The following FSTL5 variants were observed in gnomAD, a reference collection of about 807,000 sequenced individuals.
FSTL5 encodes the protein follistatin like 5, also known as follistatin-related protein 5.
A neutral mutation model predicts 89.1 loss-of-function variants in FSTL5; 62 were observed. The ratio of observed to expected loss-of-function variants is 0.70; its 90% confidence interval spans 0.57 to 0.86. The LOEUF is 0.86. FSTL5 is among the 40% of genes least tolerant of loss of function. FSTL5 has a pLI of 0.00. For synonymous variants in FSTL5, 383 were observed against 346.2 expected (o/e 1.11, Z -1.18); for missense variants, 1,057 against 1,001.6 (o/e 1.06, Z -0.75).
At chr4:161,901,143 G>A (rs945365860) in intron 4 of FSTL5, among the ~76,000 whole-genome samples, 1 of 151,144 alleles carries the variant, frequency 6.6e-6, no homozygotes, top group African/African-American at 2.4e-5. Context: ...TAACAACAAT[G>A]TCCTTGCCCT....
chr4:161,483,989 T>C (rs904153783), intron 12 of FSTL5, among the ~76,000 whole-genome samples: 1 of 152,150 alleles, frequency 6.6e-6, no homozygotes, highest in Non-Finnish European at 1.5e-5. Flanking sequence ...TTTAATCACA[T>C]ATTTCCTACA....
intron 15 of FSTL5, among the ~76,000 whole-genome samples, chr4:161,399,126 C>T (rs1275518424): frequency 1.3e-5 from 2 of 151,934 alleles, no homozygotes; most frequent in Non-Finnish European, 2.9e-5. Flanking sequence ...GAGATACATG[C>T]TCAGAGGTTA....
intron 15 of FSTL5, among the ~76,000 whole-genome samples, chr4:161,430,787 A>C (rs2126339356): frequency 6.6e-6 from 1 of 152,278 alleles, no homozygotes; most frequent in African/African-American, 2.4e-5. Flanking sequence ...GGAAAAGGAT[A>C]AAGAAAAGAT....
At chr4:161,977,562 G>A (rs1283983219) in intron 3 of FSTL5, among the ~76,000 whole-genome samples, 6 of 142,354 alleles carry the variant, frequency 4.2e-5, no homozygotes, top group African/African-American at 1.1e-4. Context: ...GCAGTGAGCC[G>A]AGATCACGCC....
intron 4 of FSTL5, among the ~76,000 whole-genome samples, chr4:161,856,697 C>T (rs933006746): frequency 5.3e-5 from 8 of 149,908 alleles, no homozygotes; most frequent in Admixed American, 3.3e-4. Flanking sequence ...TATATGTATA[C>T]GTGTATGGCA....
intron 8 of FSTL5, among the ~76,000 whole-genome samples, chr4:161,580,468 G>A (rs937416994): frequency 6.6e-6 from 1 of 152,158 alleles, no homozygotes; most frequent in Non-Finnish European, 1.5e-5. Flanking sequence ...GGAGGGACAA[G>A]TGTAAAAATG....
intron 4 of FSTL5, among the ~76,000 whole-genome samples, chr4:161,789,311 G>A (rs935544907): frequency 5.9e-5 from 9 of 152,016 alleles, no homozygotes; most frequent in Admixed American, 3.3e-4. Flanking sequence ...GCAAAGGGAC[G>A]ACTAGGTGTT....
chr4:161,997,601 CTTTTTT>C (rs60978465), intron 3 of FSTL5, among the ~76,000 whole-genome samples: 177 of 129,262 alleles, frequency 1.4e-3, no homozygotes, highest in Middle Eastern at 4.1e-3. Flanking sequence ...TACATGTTAT[CTTTTTT>C]TTTTTTTTTT....
intron 15 of FSTL5, among the ~76,000 whole-genome samples, chr4:161,408,689 A>C (rs1326344763): frequency 6.6e-6 from 1 of 152,210 alleles, no homozygotes; most frequent in Non-Finnish European, 1.5e-5. Flanking sequence ...ACAGTAAAAT[A>C]ACTCAAGAGC....
At position 161,556,821 on chromosome 4, in the gene FSTL5, T is replaced by C. The variant is rs1283089395; in HGVS notation, c.1016-14128A>G. ...GTTCGTATTTCTCGGTAAAAGATTATATATATATGTGTGTGTGTGTGTGTG... is the reference window on the plus strand; with the variant it reads ...GTTCGTATTTCTCGGTAAAAGATTACATATATATGTGTGTGTGTGTGTGTG... On this transcript the variant is annotated intron_variant, in intron 8 of 15. Coordinates refer to ENST00000306100, the MANE Select transcript of FSTL5 (RefSeq NM_020116.5). Among the ~76,000 whole-genome samples the C allele has an allele frequency of 6.2e-5, 9 of 146,060 alleles. No homozygotes were observed. The South Asian group carries it at 1.2e-3, about 20-fold the overall frequency.
At chr4:161,956,963 G>C (rs1050654788) in intron 3 of FSTL5, among the ~76,000 whole-genome samples, 2 of 151,786 alleles carry the variant, frequency 1.3e-5, no homozygotes, top group African/African-American at 4.8e-5. Flanking sequence ...CCTATTGAAA[G>C]AAAAAATAGT....
intron 4 of FSTL5, among the ~76,000 whole-genome samples, chr4:161,803,479 G>A (rs528162534): frequency 2.0e-5 from 3 of 151,996 alleles, no homozygotes; most frequent in East Asian, 1.9e-4. Context: ...ACAAACAGAT[G>A]TTTTTCTATA....
At chr4:161,727,205 A>T (rs1277963917) in intron 6 of FSTL5, among the ~76,000 whole-genome samples, 1 of 152,172 alleles carries the variant, frequency 6.6e-6, no homozygotes, top group Non-Finnish European at 1.5e-5. Flanking sequence ...GACCTTATAC[A>T]TATTTTTTGA....
chr4:161,594,340 A>G (rs760421658), intron 7 of FSTL5, among the ~76,000 whole-genome samples: 1 of 152,156 alleles, frequency 6.6e-6, no homozygotes, highest in African/African-American at 2.4e-5. Flanking sequence ...ATTTTAATGT[A>G]TATTTTCAGA....
At chr4:161,800,292 G>A (rs948973353) in intron 4 of FSTL5, among the ~76,000 whole-genome samples, 10 of 151,610 alleles carry the variant, frequency 6.6e-5, no homozygotes, top group African/African-American at 2.4e-4. Context: ...AAACCAGAGA[G>A]AAGCATGTCT....
intron 3 of FSTL5, among the ~76,000 whole-genome samples, chr4:161,999,174 C>A (rs2111100258): frequency 6.6e-6 from 1 of 152,142 alleles, no homozygotes; most frequent in South Asian, 2.1e-4. Flanking sequence ...TTTATTTCCA[C>A]ATTGAAAGGA....
intron 6 of FSTL5, among the ~76,000 whole-genome samples, chr4:161,685,211 G>C (rs1321050569): frequency 6.6e-6 from 1 of 152,054 alleles, no homozygotes; most frequent in East Asian, 1.9e-4. Flanking sequence ...TTTTTGTTTA[G>C]TCTTGCTTTG....
At chr4:161,818,877 T>C (rs1730410464) in intron 4 of FSTL5, among the ~76,000 whole-genome samples, 1 of 152,204 alleles carries the variant, frequency 6.6e-6, no homozygotes, top group South Asian at 2.1e-4. Flanking sequence ...TTTTTCTGAA[T>C]GTATTTGGTT....
intron 2 of FSTL5, among the ~76,000 whole-genome samples, chr4:162,102,779 T>A (rs1442542037): frequency 6.8e-6 from 1 of 146,926 alleles, no homozygotes; most frequent in Non-Finnish European, 1.5e-5. Flanking sequence ...TTTATATATA[T>A]ATTTATATAT....
Sources: gnomAD v4.1 joint callset for allele counts (sites outside exome capture counted in the v4.1 genomes callset) on GRCh38, gnomAD v4.1.1 for gene constraint, MANE v1.5 for transcripts, NCBI Gene and HGNC (gene_info 2026-07-23, HGNC 2026-07-21) for gene names.